Variants in RGS7 observed in about 807,000 individuals in gnomAD.
RGS7 encodes regulator of G protein signaling 7, also known as regulator of G-protein signaling 7.
RGS7 carries 27 observed loss-of-function variants against 81.1 expected under a neutral mutation model. That is an observed-to-expected ratio of 0.33 (90% confidence interval 0.25 to 0.46). The LOEUF (loss-of-function observed/expected upper bound fraction) is 0.46. Ranked by LOEUF, RGS7 falls within the 20% of genes least tolerant of loss-of-function variation. The probability of loss-of-function intolerance (pLI) is 1.00; values close to 1 mark genes in which losing one functional copy is unlikely to be tolerated. For missense variants in RGS7, 396 were observed against 607.4 expected, an observed-to-expected ratio of 0.65 and a Z score of 3.66; for synonymous variants, 208 against 207.7, an observed-to-expected ratio of 1.00 and a Z score of -0.01.
At chr1:241,005,273 C>T (rs1301756805) in intron 3 of RGS7, among the ~76,000 whole-genome samples, 1 of 152,176 alleles carries the variant, frequency 6.6e-6, no homozygotes, top group South Asian at 2.1e-4. Context: ...ATAATTTATA[C>T]ATACAGTTTT....
intron 2 of RGS7, among the ~76,000 whole-genome samples, chr1:241,268,743 C>T (rs906737724): frequency 3.9e-5 from 6 of 152,128 alleles, no homozygotes; most frequent in African/African-American, 1.4e-4. Context: ...ACAGTTGCTG[C>T]TCAATGATAC....
At chr1:240,835,576 TCATTGG>T (rs1694592235) in intron 9 of RGS7, among the ~76,000 whole-genome samples, 1 of 152,330 alleles carries the variant, frequency 6.6e-6, no homozygotes, top group African/African-American at 2.4e-5. Flanking sequence ...GCAATCATCC[TCATTGG>T]CATTTACCCA....
chr1:240,909,649 C>T (rs1010173461), intron 6 of RGS7, among the ~76,000 whole-genome samples: 15 of 152,314 alleles, frequency 9.8e-5, no homozygotes, highest in Admixed American at 4.6e-4. Flanking sequence ...GGCTGGACTA[C>T]GACAGAAGTA....
At chr1:241,125,059 T>C (rs980929652) in intron 2 of RGS7, among the ~76,000 whole-genome samples, 4 of 152,214 alleles carry the variant, frequency 2.6e-5, no homozygotes, top group African/African-American at 9.6e-5. Context: ...AGCTATAATC[T>C]AGATGTCAGC....
chr1:241,353,513 C>T (rs6429259), intron 2 of RGS7, among the ~76,000 whole-genome samples: 147,039 of 152,310 alleles, frequency 0.97, 71,187 homozygotes, highest in East Asian at 1. Flanking sequence ...AAACAAAAAA[C>T]ATATGCTCAG....
chr1:241,131,826 GC>G (rs1329336377), intron 2 of RGS7, among the ~76,000 whole-genome samples: 1 of 152,136 alleles, frequency 6.6e-6, no homozygotes, highest in African/African-American at 2.4e-5. Flanking sequence ...TCTGCAAGCT[GC>G]CCATAATAAA....
At chr1:241,067,886 C>A (rs79937168) in intron 3 of RGS7, among the ~76,000 whole-genome samples, 3,864 of 146,746 alleles carry the variant, frequency 0.026, 172 homozygotes, top group African/African-American at 0.077. Flanking sequence ...TTAATCAGAA[C>A]AATAAAAATT....
intron 2 of RGS7, among the ~76,000 whole-genome samples, chr1:241,310,143 T>C (rs936710962): frequency 3.3e-5 from 5 of 152,224 alleles, no homozygotes; most frequent in Non-Finnish European, 5.9e-5. Flanking sequence ...TTGCTACTTC[T>C]AGATGTCTAA....
At chr1:241,157,471 C>T (rs188434709) in intron 2 of RGS7, among the ~76,000 whole-genome samples, 2 of 152,276 alleles carry the variant, frequency 1.3e-5, no homozygotes, top group East Asian at 1.9e-4. Context: ...TGCAAAAAGT[C>T]GTTCACTGCT....
Position 241,163,134 on chromosome 1 carries a change from A to G in RGS7, c.79-64372T>C, listed in dbSNP as rs1318542919. ...AAGGCATAACCATTTGCGGCTTAAC[A>G]CAGCCAAAAGGTCAGAAAGGGGGTT... On this transcript the variant is annotated intron_variant, in intron 2 of 18. Transcript: ENST00000440928. This position sits in a 1 kb window ranked among gnomAD's most constrained non-coding sequence, Gnocchi z 4.6. Among the ~76,000 whole-genome samples the G allele has an allele frequency of 6.6e-6, 1 of 152,174 alleles. No homozygotes were observed. The highest frequency in any genetic ancestry group is 2.4e-5 in the African/African-American group (1 of 41,454).
chr1:240,808,652 GTCTT>G (rs1296882628), intron 14 of RGS7, among the ~76,000 whole-genome samples: 5 of 152,280 alleles, frequency 3.3e-5, no homozygotes, highest in Admixed American at 6.5e-5. Flanking sequence ...CCCTCACACG[GTCTT>G]TCTAACAGCA....
chr1:240,818,243 T>G (rs540903889), intron 10 of RGS7, among the ~76,000 whole-genome samples: 8 of 152,076 alleles, frequency 5.3e-5, no homozygotes, highest in Non-Finnish European at 1.2e-4. Flanking sequence ...CATTCAACAT[T>G]TATTGAACAC....
intron 9 of RGS7, among the ~76,000 whole-genome samples, chr1:240,844,650 T>G (rs1276168273): frequency 6.6e-6 from 1 of 152,190 alleles, no homozygotes; most frequent in African/African-American, 2.4e-5. Flanking sequence ...AGATGAAAGA[T>G]ATAGCCAGGA....
At chr1:241,236,683 T>A (rs1473311739) in intron 2 of RGS7, among the ~76,000 whole-genome samples, 1 of 152,152 alleles carries the variant, frequency 6.6e-6, no homozygotes, top group African/African-American at 2.4e-5. Flanking sequence ...CAAGTGAAAG[T>A]TTCCAGTTTT....
intron 2 of RGS7, among the ~76,000 whole-genome samples, chr1:241,257,141 T>C (rs1195610331): frequency 1.3e-5 from 2 of 152,090 alleles, no homozygotes; most frequent in African/African-American, 4.8e-5. Context: ...CCGGATAATT[T>C]ATAAGCAACA....
At position 241,156,183 on chromosome 1, in the gene RGS7, G is replaced by T. The variant is rs540179894; in HGVS notation, c.79-57421C>A. Among the ~76,000 whole-genome samples, 704 of 146,888 alleles carry T rather than the reference G, an allele frequency of 4.8e-3. 3 individuals are homozygous for T. The highest frequency in any genetic ancestry group is 0.018 in the African/African-American group (661 of 37,166). On this transcript the variant is annotated intron_variant, in intron 2 of 18. Coordinates refer to ENST00000440928, the MANE Select transcript of RGS7 (RefSeq NM_001364886.1). The stretch of plus-strand genomic sequence containing the variant: ...ATAGATAGATAGATACATATACATA[G>T]ACAGACAGACAGAAAGATAGATGCT...
intron 6 of RGS7, among the ~76,000 whole-genome samples, chr1:240,871,094 C>T (rs1664411774): frequency 6.6e-6 from 1 of 152,182 alleles, no homozygotes; most frequent in Admixed American, 6.5e-5. Context: ...CAGTGACTCT[C>T]ATGACAAACT....
At chr1:240,900,922 T>A (rs898317229) in intron 6 of RGS7, among the ~76,000 whole-genome samples, 5 of 152,192 alleles carry the variant, frequency 3.3e-5, no homozygotes, top group African/African-American at 1.2e-4. Context: ...CAGGCCTTCT[T>A]GAGCTGCGGT....
intron 7 of RGS7, among the ~76,000 whole-genome samples, chr1:240,869,270 C>G (rs1664048626): frequency 6.6e-6 from 1 of 152,006 alleles, no homozygotes; most frequent in Non-Finnish European, 1.5e-5. Flanking sequence ...ATGGCACACC[C>G]TGGCGGCCCA....
Sources: gnomAD v4.1 joint callset for allele counts (sites outside exome capture counted in the v4.1 genomes callset) on GRCh38, gnomAD v4.1.1 for gene constraint, Gnocchi (gnomAD v3.1) non-coding constraint, MANE v1.5 for transcripts, NCBI Gene and HGNC (gene_info 2026-07-23, HGNC 2026-07-21) for gene names.